LMNTD1: variants seen among roughly 807,000 people sequenced by gnomAD.
LMNTD1 encodes lamin tail domain-containing protein 1.
A neutral mutation model predicts 50.9 loss-of-function variants in LMNTD1; 35 were observed. The observed-to-expected ratio is 0.69, with a 90% CI of 0.53 to 0.91. LMNTD1 has a LOEUF of 0.91. Ranked by LOEUF, LMNTD1 falls within the 40% of genes least tolerant of loss-of-function variation. LMNTD1 has a pLI of 0.00. For missense variants in LMNTD1, 470 were observed against 475.5 expected, an observed-to-expected ratio of 0.99 and a Z score of 0.11; for synonymous variants, 153 against 161.9, an observed-to-expected ratio of 0.94 and a Z score of 0.42.
rs531683761 is a variant in LMNTD1 at position 25,503,787 on chromosome 12, C to T, written c.1203G>A (p.Lys401=). 1.1e-5 allele frequency: 18 copies of T among 1,582,200 alleles called. 1 individual carries two copies. The East Asian group carries it at 3.8e-4, about 34-fold the overall frequency. Residue 401 remains lysine (K), a synonymous_variant, in exon 9 of 10, where the codon AAG becomes AAA. Transcript: ENST00000458174. ...ATTGCTTTTGTGACTCAGATGTCTT[C>T]TTTTTCTTAGACCCTGAAAATTAAA... ...RPNRASGSKK[K]KTSESQKQ
intron 1 of LMNTD1, among the ~76,000 whole-genome samples, chr12:25,571,135 T>C (rs1393285418): frequency 6.6e-6 from 1 of 152,196 alleles, no homozygotes; most frequent in Non-Finnish European, 1.5e-5. Flanking sequence ...CTATAACTAG[T>C]TCTGAGTAGA....
chr12:25,625,540 G>T (rs1946571121), intron 1 of LMNTD1, among the ~76,000 whole-genome samples: 1 of 152,118 alleles, frequency 6.6e-6, no homozygotes, highest in African/African-American at 2.4e-5. Context: ...CAGCTGGTCT[G>T]CTGTCTCTGG....
At chr12:25,547,572 G>A (rs972610759) in intron 3 of LMNTD1, among the ~76,000 whole-genome samples, 5 of 151,574 alleles carry the variant, frequency 3.3e-5, no homozygotes, top group Non-Finnish European at 7.4e-5. Flanking sequence ...ACCAAAACAA[G>A]GTGAAAGATA....
chr12:25,618,272 A>C (rs1303742253), intron 1 of LMNTD1, among the ~76,000 whole-genome samples: 1 of 152,170 alleles, frequency 6.6e-6, no homozygotes, highest in Non-Finnish European at 1.5e-5. Flanking sequence ...GTGCCAGGCT[A>C]TACCCTTGGG....
chr12:25,594,442 A>G (rs997909166), intron 1 of LMNTD1, among the ~76,000 whole-genome samples: 7 of 152,180 alleles, frequency 4.6e-5, no homozygotes, highest in Admixed American at 4.6e-4. Flanking sequence ...ATCAGCCAAG[A>G]ATTTTGTATC....
At chr12:25,643,306 G>A (rs935123381) in intron 1 of LMNTD1, among the ~76,000 whole-genome samples, 7 of 152,172 alleles carry the variant, frequency 4.6e-5, no homozygotes, top group South Asian at 2.1e-4. Flanking sequence ...AGAACTTTAA[G>A]AAAGGTATTC....
In LMNTD1 at chr12:25,585,682, C is replaced by T. The variant is rs1945492561; in HGVS notation, c.59-39128G>A. On this transcript the variant is annotated intron_variant, in intron 1 of 7. Coordinates refer to the LMNTD1 transcript ENST00000445693. ...AGACCACACGAAACTAGGTTTCCAA[C>T]AGCCAACTGAAGAGATGTGATGTCT... Among the ~76,000 whole-genome samples, 4 of 152,352 alleles carry T rather than the reference C, an allele frequency of 2.6e-5. No homozygotes were observed. The South Asian group carries it at 8.3e-4, about 32-fold the overall frequency.
At chr12:25,638,225 G>GC (rs1349731188) in intron 1 of LMNTD1, among the ~76,000 whole-genome samples, 5 of 152,012 alleles carry the variant, frequency 3.3e-5, no homozygotes, top group African/African-American at 9.7e-5. Context: ...AAAACTCACA[G>GC]CTAACATACT....
intron 4 of LMNTD1, among the ~76,000 whole-genome samples, chr12:25,543,217 C>CA (rs1227840175): frequency 2.0e-5 from 3 of 151,960 alleles, no homozygotes; most frequent in Non-Finnish European, 4.4e-5. Flanking sequence ...TACTTCTACA[C>CA]AATCTCTTCT....
chr12:25,645,638 T>C (rs1429554008), intron 1 of LMNTD1, among the ~76,000 whole-genome samples: 2 of 152,134 alleles, frequency 1.3e-5, no homozygotes, highest in African/African-American at 4.8e-5. Context: ...GAACATTAGA[T>C]CTGAGCGATA....
chr12:25,557,390 G>T (rs1944087572), upstream of LMNTD1: 2 of 152,136 alleles, frequency 1.3e-5, no homozygotes, highest in African/African-American at 2.4e-5. Flanking sequence ...ACAACACTAA[G>T]GTCTTAGATC....
chr12:25,492,366 G>T (rs1254542675), intron 9 of LMNTD1, among the ~76,000 whole-genome samples: 2 of 152,140 alleles, frequency 1.3e-5, no homozygotes, highest in Non-Finnish European at 2.9e-5. Flanking sequence ...TAGCGGAGAT[G>T]GAACAATGTG....
chr12:25,536,025 A>T (rs1257520569), intron 4 of LMNTD1, among the ~76,000 whole-genome samples: 1 of 152,178 alleles, frequency 6.6e-6, no homozygotes, highest in Admixed American at 6.5e-5. Context: ...CATCAGAAGG[A>T]TGTAACATTC....
intron 1 of LMNTD1, among the ~76,000 whole-genome samples, chr12:25,609,555 A>C (rs1357767305): frequency 6.6e-6 from 1 of 152,084 alleles, no homozygotes; most frequent in Non-Finnish European, 1.5e-5. Flanking sequence ...CCTGTTTGTT[A>C]GTTTTCCTTC....
intron 1 of LMNTD1, among the ~76,000 whole-genome samples, chr12:25,569,374 G>C (rs1181065291): frequency 6.6e-6 from 1 of 152,190 alleles, no homozygotes; most frequent in Non-Finnish European, 1.5e-5. Flanking sequence ...ATTGTATCTG[G>C]GAAGTAAATA....
chr12:25,634,501 A>G (rs1946785389), intron 1 of LMNTD1, among the ~76,000 whole-genome samples: 1 of 152,220 alleles, frequency 6.6e-6, no homozygotes, highest in South Asian at 2.1e-4. Context: ...TGGGCTTCAT[A>G]CTAGGGATGC....
intron 9 of LMNTD1, among the ~76,000 whole-genome samples, chr12:25,482,349 T>A (rs1399828314): frequency 1.3e-5 from 2 of 152,008 alleles, no homozygotes; most frequent in Admixed American, 6.5e-5. Context: ...TATATTTTTT[T>A]ATAGTTGTCA....
intron 1 of LMNTD1, among the ~76,000 whole-genome samples, chr12:25,570,136 C>T (rs1409607521): frequency 6.6e-6 from 1 of 152,126 alleles, no homozygotes; most frequent in Non-Finnish European, 1.5e-5. Context: ...TGAGCGCCAT[C>T]GTTTACAAGG....
At chr12:25,513,975 C>CTTTA (rs1940537708) in intron 8 of LMNTD1, among the ~76,000 whole-genome samples, 1 of 100,832 alleles carries the variant, frequency 9.9e-6, no homozygotes, top group African/African-American at 4.1e-5. Flanking sequence ...AAGGTATCAA[C>CTTTA]TCTCAACATG....
Sources: gnomAD v4.1 joint callset for allele counts (sites outside exome capture counted in the v4.1 genomes callset) on GRCh38, gnomAD v4.1.1 for gene constraint, MANE v1.5 for transcripts, NCBI Gene and HGNC (gene_info 2026-07-23, HGNC 2026-07-21) for gene names.